SETBP1: variants seen among roughly 807,000 people sequenced by gnomAD.
The protein encoded by SETBP1 is SET binding protein 1.
SETBP1 carries 9 observed loss-of-function variants against 101.0 expected under a neutral mutation model. The observed-to-expected ratio is 0.09, with a 90% confidence interval of 0.05 to 0.16. The LOEUF (loss-of-function observed/expected upper bound fraction) is 0.16, where lower values mean the gene tolerates loss of function less well. Ranked by LOEUF, SETBP1 falls within the 10% of genes least tolerant of loss-of-function variation. The pLI, the probability that SETBP1 is intolerant of heterozygous loss-of-function variation, is 1.00. For synonymous variants in SETBP1, 818 were observed against 788.5 expected, an observed-to-expected ratio of 1.04 and a Z score of -0.63; for missense variants, 1,858 against 2,033.8, an observed-to-expected ratio of 0.91 and a Z score of 1.66.
intron 4 of SETBP1, among the ~76,000 whole-genome samples, chr18:44,955,081 G>A (rs563132644): frequency 1.3e-5 from 2 of 152,300 alleles, no homozygotes; most frequent in Non-Finnish European, 2.9e-5. Flanking sequence ...AAAACCAGAC[G>A]TTGTTGCATG....
At chr18:44,744,032 A>G (rs2070160747) in intron 2 of SETBP1, among the ~76,000 whole-genome samples, 1 of 152,196 alleles carries the variant, frequency 6.6e-6, no homozygotes, top group Non-Finnish European at 1.5e-5. Context: ...CCTTGGTCTC[A>G]TTGGTGTGCC....
intron 3 of SETBP1, among the ~76,000 whole-genome samples, chr18:44,949,571 T>C (rs561437035): frequency 6.6e-6 from 1 of 152,346 alleles, no homozygotes; most frequent in South Asian, 2.1e-4. Flanking sequence ...GTGACCTTTG[T>C]GTCCCCTCCC....
At chr18:44,981,365 T>C (rs1182165388) in intron 4 of SETBP1, among the ~76,000 whole-genome samples, 1 of 152,188 alleles carries the variant, frequency 6.6e-6, no homozygotes, top group East Asian at 1.9e-4. Flanking sequence ...TGTACCTCCC[T>C]TAAAAAATCT....
chr18:44,785,714 T>C (rs559772162), intron 2 of SETBP1, among the ~76,000 whole-genome samples: 15 of 152,342 alleles, frequency 9.8e-5, no homozygotes, highest in African/African-American at 3.4e-4. Flanking sequence ...TCCCCTTCGT[T>C]ATCTCTTGAT....
rs373845440 is a variant in SETBP1, at chr18:44,797,068, C to T, written c.487-72162C>T. On this transcript the variant is annotated intron_variant, in intron 2 of 5. Transcript: ENST00000649279. ...AATTAGCTGGGGCACTGCACCTTAA[C>T]GAACAGGTTACAGGCAGATCCTGGT... 6.6e-5 allele frequency among the ~76,000 whole-genome samples: 10 copies of T among 152,168 alleles called. No homozygotes were observed. In the East Asian group the frequency reaches 1.2e-3, roughly 18 times the overall value.
At chr18:44,688,615 G>A (rs1568090629) in intron 1 of SETBP1, among the ~76,000 whole-genome samples, 1 of 151,916 alleles carries the variant, frequency 6.6e-6, no homozygotes, top group African/African-American at 2.4e-5. Flanking sequence ...ACCATGCCCA[G>A]CTAATTTTTT....
intron 3 of SETBP1, among the ~76,000 whole-genome samples, chr18:44,915,621 T>C (rs1250390977): frequency 6.6e-6 from 1 of 152,196 alleles, no homozygotes; most frequent in Non-Finnish European, 1.5e-5. Flanking sequence ...GAGAGACGGC[T>C]GAGCAATAAA....
intron 4 of SETBP1, among the ~76,000 whole-genome samples, chr18:44,990,927 G>GAAAAAAAAAAAAAAAAAAAAGAA (rs2072358024): frequency 3.2e-5 from 2 of 63,188 alleles, no homozygotes; most frequent in African/African-American, 5.6e-5. Flanking sequence ...CAGAGAGAGA[G>GAAAAAAAAAAAAAAAAAAAAGAA]AAAAAAAAAA....
intron 2 of SETBP1, among the ~76,000 whole-genome samples, chr18:44,745,163 T>C (rs1273095655): frequency 6.6e-6 from 1 of 152,192 alleles, no homozygotes; most frequent in Non-Finnish European, 1.5e-5. Flanking sequence ...CTTCTCCTTG[T>C]GAAGCTCTCA....
intron 4 of SETBP1, among the ~76,000 whole-genome samples, chr18:45,005,104 T>G (rs192825746): frequency 1.3e-5 from 2 of 152,300 alleles, no homozygotes; most frequent in African/African-American, 4.8e-5. Context: ...ACAAGAGAGA[T>G]GCCAACCATC....
intron 2 of SETBP1, among the ~76,000 whole-genome samples, chr18:44,721,146 A>C (rs1441481551): frequency 6.6e-6 from 1 of 152,160 alleles, no homozygotes; most frequent in Admixed American, 6.5e-5. Flanking sequence ...TATTCTTGTG[A>C]CCTAGAGAAG....
intron 3 of SETBP1, among the ~76,000 whole-genome samples, chr18:44,912,620 T>G (rs931990158): frequency 6.6e-6 from 1 of 152,140 alleles, no homozygotes; most frequent in Admixed American, 6.6e-5. Flanking sequence ...GGTTTCATCG[T>G]GTTTGCCAGG....
chr18:44,978,474 T>C (rs1280368772), intron 4 of SETBP1, among the ~76,000 whole-genome samples: 1 of 152,218 alleles, frequency 6.6e-6, no homozygotes, highest in Non-Finnish European at 1.5e-5. Context: ...CTAATCCTGA[T>C]AGTATTATAC....
chr18:45,009,365 G>A (rs2072792034), intron 4 of SETBP1, among the ~76,000 whole-genome samples: 1 of 151,006 alleles, frequency 6.6e-6, no homozygotes, highest in Admixed American at 6.6e-5. Flanking sequence ...GCGGAGCTGC[G>A]TTTCCCCATG....
At chr18:44,724,534 C>A (rs1453593225) in intron 2 of SETBP1, among the ~76,000 whole-genome samples, 1 of 152,180 alleles carries the variant, frequency 6.6e-6, no homozygotes, top group African/African-American at 2.4e-5. Context: ...TTTTTCTGAG[C>A]ATCTTTTGAT....
At chr18:44,840,541 T>C (rs1313268383) in intron 2 of SETBP1, among the ~76,000 whole-genome samples, 5 of 152,240 alleles carry the variant, frequency 3.3e-5, no homozygotes, top group Admixed American at 6.5e-5. Flanking sequence ...GGTAATGACA[T>C]TTTACATCTT....
intron 2 of SETBP1, among the ~76,000 whole-genome samples, chr18:44,811,950 C>T (rs2071871728): frequency 6.6e-6 from 1 of 152,180 alleles, no homozygotes; most frequent in South Asian, 2.1e-4. Context: ...AGCTGATTCA[C>T]CAGAGAATAA....
chr18:44,936,716 C>T (rs149854212), intron 3 of SETBP1, among the ~76,000 whole-genome samples: 578 of 152,188 alleles, frequency 3.8e-3, no homozygotes, highest in Non-Finnish European at 6.9e-3. Flanking sequence ...CCTCTGCTTG[C>T]CAGAGCCATC....
chr18:44,821,828 G>A lies in SETBP1; in HGVS notation c.487-47402G>A, dbSNP rs116333111. Among the ~76,000 whole-genome samples the A allele has an allele frequency of 8.6e-3, 1,314 of 152,314 alleles. 17 individuals are homozygous for A. Among genetic ancestry groups the A allele is most frequent in the African/African-American group, 0.03 (1,260 of 41,552 alleles). On this transcript the variant is annotated intron_variant, in intron 2 of 5. Transcript: ENST00000649279. ...ATTTCCTCAGAATCAGAGCTGTTTA[G>A]CAAGGACCTGGGTCTCCTTGGTGTA...
Sources: allele counts gnomAD v4.1 joint callset (sites outside exome capture counted in the v4.1 genomes callset), GRCh38; gene constraint gnomAD v4.1.1; transcripts MANE v1.5; gene names NCBI Gene and HGNC (gene_info 2026-07-23, HGNC 2026-07-21).